Variants in MGA observed in about 807,000 individuals in gnomAD.
The protein encoded by MGA is MAX dimerization protein MGA, also known as MAX gene-associated protein.
A neutral mutation model predicts 261.1 loss-of-function variants in MGA; 40 were observed. The observed-to-expected ratio is 0.15, with a 90% confidence interval of 0.12 to 0.20. The LOEUF (loss-of-function observed/expected upper bound fraction) is 0.20, where lower values mean the gene tolerates loss of function less well. Among genes scored for constraint, MGA ranks in the 10% least tolerant of loss-of-function variants. MGA has a pLI of 1.00. For missense variants in MGA, 3,397 were observed against 3,630.5 expected (o/e 0.94, Z 1.65); for synonymous variants, 1,302 against 1,290.6 (o/e 1.01, Z -0.19).
At chr15:41,684,541 G>A (rs763457700) in intron 2 of MGA, 5 of 324,070 alleles carry the variant, frequency 1.5e-5, no homozygotes, top group African/African-American at 4.3e-5. Context: ...TTCTGAGAGT[G>A]TTTATAACTT....
chr15:41,669,471 A>G lies in MGA; in HGVS notation c.577A>G (p.Ile193Val), dbSNP rs1396309998. The G allele has an allele frequency of 6.2e-7, 1 of 1,613,948 alleles. No homozygotes were observed. Among genetic ancestry groups the G allele is most frequent in the Admixed American group, 1.7e-5 (1 of 60,018 alleles). Reference sequence around the variant, plus strand: ...TACACTGGACCAAGAAGGGCATATCATCTTGCACTCTATGCATCGTTACCT... The same window carrying G: ...TACACTGGACCAAGAAGGGCATATCGTCTTGCACTCTATGCATCGTTACCT... Residue 193 changes from isoleucine (I) to valine (V), a missense_variant, in exon 2 of 24, where the codon ATC becomes GTC. Transcript: ENST00000219905.
In MGA at chr15:41,696,063, C is replaced by T. The variant is rs1283488553; in HGVS notation, c.1065-12C>T. ...TGTACTTTTAAAATCCCTTTCTCCTCTCTCTCTCCAGTCTTATTGCCAGCA... is the reference window on the plus strand; with the variant it reads ...TGTACTTTTAAAATCCCTTTCTCCTTTCTCTCTCCAGTCTTATTGCCAGCA... On this transcript the variant is annotated splice_polypyrimidine_tract_variant and intron_variant, in intron 2 of 23. Coordinates refer to ENST00000219905, the MANE Select transcript of MGA (RefSeq NM_001164273.2). The T allele has an allele frequency of 6.4e-7, 1 of 1,555,460 alleles. No individual in the cohort carries two copies. Among genetic ancestry groups the T allele is most frequent in the East Asian group, 2.3e-5 (1 of 44,268 alleles).
At chr15:41,657,109 A>G (rs993130803), upstream of MGA, among the ~76,000 whole-genome samples, 3 of 152,006 alleles carry the variant, frequency 2.0e-5, no homozygotes, top group Non-Finnish European at 4.4e-5. Flanking sequence ...CTCTTTGGGT[A>G]CATTATTAGC....
rs2063956583 is a variant in MGA, at chr15:41,769,722, C to A, written c.*2442C>A. On this transcript the variant is annotated 3_prime_UTR_variant, in exon 24 of 24. Coordinates refer to ENST00000219905, the MANE Select transcript of MGA (RefSeq NM_001164273.2). Reference sequence around the variant, plus strand: ...CTATAAGAAGCATGATCTCAATAGACCAATAATTCACCTTTTTATACATCT... The same window carrying A: ...CTATAAGAAGCATGATCTCAATAGAACAATAATTCACCTTTTTATACATCT... 1 of 152,498 alleles carries A rather than the reference C, an allele frequency of 6.6e-6. No individual in the cohort carries two copies. Among genetic ancestry groups the A allele is most frequent in the Admixed American group, 6.5e-5 (1 of 15,276 alleles). The allele number at this position is 152,498 out of a possible 1,614,324, so 9.4% of individuals were successfully genotyped here. A position where few individuals can be genotyped will look rare whatever the true frequency, so the allele number is the denominator to read the frequency against.
At chr15:41,665,466 AG>A (rs1769782032) in intron 1 of MGA, among the ~76,000 whole-genome samples, 1 of 151,648 alleles carries the variant, frequency 6.6e-6, no homozygotes, top group Admixed American at 6.6e-5. Flanking sequence ...AGCTCACTGC[AG>A]CCTTGGCCTC....
chr15:41,750,906 C>T (rs1400487751), intron 17 of MGA: 1 of 248,654 alleles, frequency 4.0e-6, no homozygotes, highest in African/African-American at 2.2e-5. Context: ...CCCGAAACCA[C>T]TACTCCCATT....
At chr15:41,622,539 C>T (rs1448987416) in intron 1 of MGA, among the ~76,000 whole-genome samples, 1 of 152,090 alleles carries the variant, frequency 6.6e-6, no homozygotes, top group Non-Finnish European at 1.5e-5. Context: ...GGCCCACGAC[C>T]TCATTCGAAA....
At chr15:41,680,399 C>T (rs774575879) in intron 2 of MGA, among the ~76,000 whole-genome samples, 1 of 150,876 alleles carries the variant, frequency 6.6e-6, no homozygotes, top group Non-Finnish European at 1.5e-5. Flanking sequence ...CTGTTTTAAC[C>T]CCCCCTGATG....
chr15:41,702,826 T>G (rs990508625), intron 5 of MGA, among the ~76,000 whole-genome samples: 3 of 152,220 alleles, frequency 2.0e-5, no homozygotes, highest in Non-Finnish European at 4.4e-5. Context: ...TTTAAAGCAT[T>G]TCTCCTTCAT....
intron 15 of MGA, among the ~76,000 whole-genome samples, chr15:41,744,015 G>A (rs976321627): frequency 6.6e-6 from 1 of 152,006 alleles, no homozygotes; most frequent in South Asian, 2.1e-4. Flanking sequence ...AGGATTTGAG[G>A]GGAAATAATT....
At chr15:41,634,887 T>G (rs1250153867) in intron 1 of MGA, among the ~76,000 whole-genome samples, 1 of 152,130 alleles carries the variant, frequency 6.6e-6, no homozygotes, top group African/African-American at 2.4e-5. Context: ...CCTTGAAGGT[T>G]TTTGAGCAGG....
intron 1 of MGA, among the ~76,000 whole-genome samples, chr15:41,646,349 ATTTTTCTT>A (rs910481140): frequency 1.3e-5 from 2 of 150,660 alleles, no homozygotes; most frequent in African/African-American, 4.9e-5. Flanking sequence ...ATTTTTTTCT[ATTTTTCTT>A]TTTTTGGAGA....
chr15:41,630,364 A>T (rs2056562205), intron 1 of MGA, among the ~76,000 whole-genome samples: 1 of 152,172 alleles, frequency 6.6e-6, no homozygotes, highest in Admixed American at 6.5e-5. Flanking sequence ...ATCAGTTGGC[A>T]TTTTGGCTTT....
At chr15:41,747,629 G>A (rs745638289) in intron 15 of MGA, among the ~76,000 whole-genome samples, 4 of 151,582 alleles carry the variant, frequency 2.6e-5, no homozygotes, top group Admixed American at 6.6e-5. Context: ...CTGGGAGTTC[G>A]AGGTGGCAGT....
At position 41,761,810 on chromosome 15, in the gene MGA, A is replaced by G; in HGVS notation, c.7470A>G (p.Arg2490=). The change falls in exon 21 of 24, where the codon CGA becomes CGG. Residue 2490 remains arginine, a synonymous_variant. Coordinates refer to ENST00000219905, the MANE Select transcript of MGA (RefSeq NM_001164273.2). ...TAGGACAGAAAAATCTCCTGACTCGAAAACGGAATATTCTGATACGGAAAG... is the reference window on the plus strand; with the variant it reads ...TAGGACAGAAAAATCTCCTGACTCGGAAACGGAATATTCTGATACGGAAAG... 6.3e-7 allele frequency: 1 copy of G among 1,595,234 alleles called. No individual in the cohort carries two copies. Among genetic ancestry groups the G allele is most frequent in the Non-Finnish European group, 8.5e-7 (1 of 1,169,964 alleles).
At chr15:41,681,736 C>T (rs1354816969) in intron 2 of MGA, among the ~76,000 whole-genome samples, 1 of 152,136 alleles carries the variant, frequency 6.6e-6, no homozygotes, top group Non-Finnish European at 1.5e-5. Context: ...AGGTGTGAGG[C>T]ACCATGCTTG....
intron 2 of MGA, among the ~76,000 whole-genome samples, chr15:41,685,500 G>T (rs915244166): frequency 1.3e-5 from 2 of 152,070 alleles, no homozygotes. Context: ...AAACCCGCTG[G>T]AATTGCCTTG....
chr15:41,638,077 CTG>C (rs145182499), intron 1 of MGA, among the ~76,000 whole-genome samples: 3,248 of 107,102 alleles, frequency 0.03, 97 homozygotes, highest in South Asian at 0.07. Context: ...CAGTCTTGCT[CTG>C]TCGCCCAGGC....
chr15:41,737,334 T>C (rs879601333), intron 13 of MGA, among the ~76,000 whole-genome samples: 4 of 151,496 alleles, frequency 2.6e-5, no homozygotes, highest in Non-Finnish European at 5.9e-5. Flanking sequence ...GTTTTTTTTT[T>C]AGTAGAGACG....
Sources: gnomAD v4.1 joint callset for allele counts (sites outside exome capture counted in the v4.1 genomes callset) on GRCh38, gnomAD v4.1.1 for gene constraint, MANE v1.5 for transcripts, NCBI Gene and HGNC (gene_info 2026-07-23, HGNC 2026-07-21) for gene names.